POU6F2: variants seen among roughly 807,000 people sequenced by gnomAD.
The protein encoded by POU6F2 is POU domain, class 6, transcription factor 2.
Under a neutral mutation model 71.3 loss-of-function variants are expected in POU6F2, and 31 were observed. The observed-to-expected ratio is 0.43, with a 90% CI of 0.33 to 0.59. POU6F2 has a LOEUF of 0.59. POU6F2 is among the 20% of genes least tolerant of loss of function. POU6F2 has a pLI of 0.04. For missense variants in POU6F2, 783 were observed against 856.8 expected, an observed-to-expected ratio of 0.91 and a Z score of 1.07; for synonymous variants, 347 against 355.7, an observed-to-expected ratio of 0.98 and a Z score of 0.27.
chr7:39,206,279 A>T (rs778128667), intron 3 of POU6F2, among the ~76,000 whole-genome samples: 22 of 152,200 alleles, frequency 1.4e-4, no homozygotes, highest in Non-Finnish European at 1.5e-4. Flanking sequence ...ATCTGGCTTG[A>T]CCAGGGCAGG....
At chr7:39,052,764 C>T (rs937948589) in intron 1 of POU6F2, among the ~76,000 whole-genome samples, 2 of 152,142 alleles carry the variant, frequency 1.3e-5, no homozygotes, top group African/African-American at 4.8e-5. Flanking sequence ...GGGCCATTCA[C>T]GGAAGCATTC....
At chr7:39,113,346 CG>C (rs1361575280) in intron 2 of POU6F2, among the ~76,000 whole-genome samples, 1 of 152,068 alleles carries the variant, frequency 6.6e-6, no homozygotes, top group Non-Finnish European at 1.5e-5. Flanking sequence ...TCCTGGGGTC[CG>C]GGTTACTGGC....
intron 2 of POU6F2, among the ~76,000 whole-genome samples, chr7:39,172,625 C>CTT (rs58470541): frequency 1.2e-3 from 163 of 138,634 alleles, no homozygotes; most frequent in Non-Finnish European, 1.4e-3. Context: ...GGTCCCCCTC[C>CTT]TTTTTTTTTT....
intron 2 of POU6F2, among the ~76,000 whole-genome samples, chr7:39,174,472 A>G (rs561916833): frequency 1.3e-5 from 2 of 152,268 alleles, no homozygotes; most frequent in Admixed American, 6.5e-5. Context: ...CATTGTATTC[A>G]TATATTACTG....
intron 1 of POU6F2, among the ~76,000 whole-genome samples, chr7:39,062,686 A>T (rs1014209039): frequency 6.8e-6 from 1 of 147,878 alleles, no homozygotes; most frequent in African/African-American, 2.5e-5. Flanking sequence ...ACCTTAAAAG[A>T]TATATAATCA....
At chr7:39,263,335 A>G (rs1473354941) in intron 4 of POU6F2, among the ~76,000 whole-genome samples, 2 of 152,188 alleles carry the variant, frequency 1.3e-5, no homozygotes, top group African/African-American at 4.8e-5. Context: ...ATTTTATCTA[A>G]TCACACGTAG....
chr7:39,302,821 A>C lies in POU6F2; in HGVS notation c.599-36821A>C, dbSNP rs1412192753. ...AGAACTGAGCACACAGTAGGCATAC[A>C]ACAATGACTGAGTGATGAGTGACTG... On this transcript the variant is annotated intron_variant, in intron 4 of 9. Coordinates refer to ENST00000518318, the MANE Select transcript of POU6F2 (RefSeq NM_001370959.1). Among the ~76,000 whole-genome samples, 3 of 152,348 alleles carry C rather than the reference A, an allele frequency of 2.0e-5. No individual in the cohort carries two copies. The East Asian group carries it at 5.8e-4, about 29-fold the overall frequency.
intron 6 of POU6F2, among the ~76,000 whole-genome samples, chr7:39,419,084 CGT>C (rs1562544481): frequency 8.7e-6 from 1 of 114,466 alleles, no homozygotes; most frequent in Non-Finnish European, 1.8e-5. Flanking sequence ...CACATATATA[CGT>C]ATATGTGTAT....
intron 5 of POU6F2, among the ~76,000 whole-genome samples, chr7:39,351,217 G>A (rs1256494037): frequency 2.0e-5 from 3 of 152,166 alleles, no homozygotes; most frequent in African/African-American, 7.2e-5. Flanking sequence ...TTTGCCGTAA[G>A]TATTGATTGC....
chr7:39,409,464 G>C lies in POU6F2; in HGVS notation c.1113+2724G>C, dbSNP rs144698388. On this transcript the variant is annotated intron_variant, in intron 6 of 9. Transcript: ENST00000518318. ...TTCATTAGTTAAGACTTTGAATTCA[G>C]ACCTACCTGGGATTGAGTTTAGGCC... 2.1e-3 allele frequency among the ~76,000 whole-genome samples: 322 copies of C among 152,310 alleles called. 2 individuals are homozygous for C. The highest frequency in any genetic ancestry group is 7.6e-3 in the African/African-American group (316 of 41,576).
chr7:39,401,061 C>T (rs1373011213), intron 5 of POU6F2, among the ~76,000 whole-genome samples: 1 of 152,204 alleles, frequency 6.6e-6, no homozygotes, highest in African/African-American at 2.4e-5. Flanking sequence ...CAGGCTCCTC[C>T]CTGCTGCAAA....
chr7:39,009,998 T>C (rs939755681), intron 1 of POU6F2, among the ~76,000 whole-genome samples: 1 of 151,500 alleles, frequency 6.6e-6, no homozygotes, highest in African/African-American at 2.4e-5. Context: ...TTTGGTTGTG[T>C]CTCTGCCAGG....
At chr7:39,084,747 A>G (rs916657314) in intron 1 of POU6F2, among the ~76,000 whole-genome samples, 1 of 152,126 alleles carries the variant, frequency 6.6e-6, no homozygotes, top group African/African-American at 2.4e-5. Context: ...ACCGCAACCA[A>G]TGCAATGGTG....
intron 2 of POU6F2, among the ~76,000 whole-genome samples, chr7:39,153,917 G>T (rs1197920891): frequency 6.6e-6 from 1 of 152,200 alleles, no homozygotes; most frequent in Non-Finnish European, 1.5e-5. Flanking sequence ...AAACATGGAT[G>T]ACAGCTAATT....
At chr7:39,325,328 T>C (rs1356505461) in intron 4 of POU6F2, among the ~76,000 whole-genome samples, 4 of 152,216 alleles carry the variant, frequency 2.6e-5, no homozygotes, top group African/African-American at 9.6e-5. Context: ...AAATATATGC[T>C]ATCTCCTCTT....
At chr7:39,161,208 T>C (rs774334655) in intron 2 of POU6F2, among the ~76,000 whole-genome samples, 12 of 152,218 alleles carry the variant, frequency 7.9e-5, no homozygotes, top group Non-Finnish European at 1.6e-4. Context: ...CTGTTTGCCT[T>C]TTCTTTCCTC....
At chr7:39,080,216 T>C (rs770993730) in intron 1 of POU6F2, among the ~76,000 whole-genome samples, 8 of 152,200 alleles carry the variant, frequency 5.3e-5, no homozygotes, top group African/African-American at 1.2e-4. Flanking sequence ...GGAGAAATAC[T>C]CATATTAAAT....
chr7:39,385,174 A>C (rs908470517), intron 5 of POU6F2, among the ~76,000 whole-genome samples: 3 of 152,236 alleles, frequency 2.0e-5, no homozygotes, highest in African/African-American at 7.2e-5. Context: ...TTGCTAATTA[A>C]ATTTAACCCT....
rs1391094490 is a variant in POU6F2 at position 39,029,234 on chromosome 7, G to A, written c.105+51176G>A. On this transcript the variant is annotated intron_variant, in intron 1 of 9. Coordinates refer to ENST00000518318, the MANE Select transcript of POU6F2 (RefSeq NM_001370959.1). ...ATTTTTATATATTGATCATATACCA[G>A]CCATCTTGCCAAACTTTCTAGTATT... Among the ~76,000 whole-genome samples, 3 of 152,070 alleles carry A rather than the reference G, an allele frequency of 2.0e-5. No individual in the cohort carries two copies. In the East Asian group the frequency reaches 5.8e-4, roughly 29 times the overall value.
Sources: allele counts gnomAD v4.1 joint callset (sites outside exome capture counted in the v4.1 genomes callset), GRCh38; gene constraint gnomAD v4.1.1; transcripts MANE v1.5; gene names NCBI Gene and HGNC (gene_info 2026-07-23, HGNC 2026-07-21).